Variants in IFT88 observed in about 807,000 individuals in gnomAD.
IFT88 encodes intraflagellar transport protein 88 homolog.
A neutral mutation model predicts 119.5 loss-of-function variants in IFT88; 74 were observed. The ratio of observed to expected loss-of-function variants is 0.62; its 90% CI spans 0.51 to 0.75. The LOEUF (loss-of-function observed/expected upper bound fraction) is 0.75, where lower values mean the gene tolerates loss of function less well. Among genes scored for constraint, IFT88 ranks in the 30% least tolerant of loss-of-function variants. IFT88 has a pLI of 0.00. For missense variants in IFT88, 961 were observed against 977.7 expected (o/e 0.98, Z 0.23); for synonymous variants, 279 against 316.7 (o/e 0.88, Z 1.26).
chr13:20,663,750 A>T (rs2054196267), intron 23 of IFT88, 146 bp downstream of exon 23: 2 of 622,210 alleles, frequency 3.2e-6, no homozygotes, highest in Non-Finnish European at 5.6e-6. Context: ...AATAACTAAA[A>T]CTCTAGTTTG....
chr13:20,652,309 A>T (rs1594655284), intron 20 of IFT88, among the ~76,000 whole-genome samples: 1 of 152,210 alleles, frequency 6.6e-6, no homozygotes, highest in Non-Finnish European at 1.5e-5. Context: ...TGTATGGTAT[A>T]TGAAGACTAT....
intron 17 of IFT88, among the ~76,000 whole-genome samples, chr13:20,639,014 A>G (rs529630378): frequency 2.1e-4 from 32 of 152,310 alleles, no homozygotes; most frequent in African/African-American, 7.0e-4. Flanking sequence ...ACTACAAGCC[A>G]TGAAGTCTCA....
chr13:20,597,745 C>CAAA (rs1174154005), intron 9 of IFT88, among the ~76,000 whole-genome samples: 7 of 140,862 alleles, frequency 5.0e-5, no homozygotes, highest in Admixed American at 2.8e-4. Flanking sequence ...GACTCCGTCT[C>CAAA]AAAAAAAAAA....
chr13:20,585,803 C>T lies in IFT88; in HGVS notation c.153+2784C>T, dbSNP rs529532061. Among the ~76,000 whole-genome samples, 85 of 152,328 alleles carry T rather than the reference C, an allele frequency of 5.6e-4. No individual in the cohort carries two copies. In the Middle Eastern group the frequency reaches 0.014, roughly 24 times the overall value. On this transcript the variant is annotated intron_variant, in intron 3 of 25. Coordinates refer to ENST00000351808, the MANE Select transcript of IFT88 (RefSeq NM_006531.5). ...TAATTCTTCACTACACATTCTAAAA[C>T]CCATATTTTATTTATTTGTTTAATT...
Position 20,580,386 on chromosome 13 carries a change from G to A in IFT88, c.91-2571G>A, listed in dbSNP as rs569519054. ...ACAAAAATTAGCCAGCCGTGGTGGC[G>A]GGCACCTGTAATCTCAGCTGCTTGG... On this transcript the variant is annotated intron_variant, in intron 2 of 25. Coordinates refer to ENST00000351808, the MANE Select transcript of IFT88 (RefSeq NM_006531.5). 9.2e-5 allele frequency among the ~76,000 whole-genome samples: 14 copies of A among 152,094 alleles called. No homozygotes were observed. In the South Asian group the frequency reaches 1.7e-3, roughly 18 times the overall value.
intron 2 of IFT88, 146 bp downstream of exon 2, chr13:20,574,621 A>G (rs939064558): frequency 2.0e-5 from 9 of 455,972 alleles, no homozygotes; most frequent in African/African-American, 8.2e-5. Context: ...AGAAGACTCT[A>G]CTGACTTCCA....
At chr13:20,614,200 G>A (rs9506528) in intron 13 of IFT88, among the ~76,000 whole-genome samples, 65,664 of 151,970 alleles carry the variant, frequency 0.43, 15,207 homozygotes, top group Non-Finnish European at 0.53. Flanking sequence ...AGGCTGCAAG[G>A]TTGCTTCATT....
At chr13:20,618,155 C>T (rs1407731571) in intron 14 of IFT88, among the ~76,000 whole-genome samples, 2 of 152,116 alleles carry the variant, frequency 1.3e-5, no homozygotes, top group Non-Finnish European at 2.9e-5. Context: ...CTCCTGACCT[C>T]GTGATCCGCT....
chr13:20,653,093 G>A (rs2052067967), intron 20 of IFT88, among the ~76,000 whole-genome samples: 1 of 152,174 alleles, frequency 6.6e-6, no homozygotes, highest in Non-Finnish European at 1.5e-5. Flanking sequence ...AAGTAATGTG[G>A]TTAGATGTGT....
chr13:20,683,630 G>A (rs2057566381), intron 24 of IFT88, among the ~76,000 whole-genome samples: 1 of 152,166 alleles, frequency 6.6e-6, no homozygotes, highest in African/African-American at 2.4e-5. Context: ...GGCCAGTGCT[G>A]TAGAGAAATG....
At chr13:20,612,607 C>A (rs1196678920) in intron 13 of IFT88, among the ~76,000 whole-genome samples, 1 of 152,050 alleles carries the variant, frequency 6.6e-6, no homozygotes, top group Non-Finnish European at 1.5e-5. Flanking sequence ...AAAATTCCAG[C>A]AACATTTTTA....
intron 19 of IFT88, among the ~76,000 whole-genome samples, chr13:20,644,519 A>G (rs1266998469): frequency 6.6e-6 from 1 of 151,930 alleles, no homozygotes; most frequent in Non-Finnish European, 1.5e-5. Context: ...ATAATTAATA[A>G]TATTAATAAT....
chr13:20,622,073 G>A (rs1183863542), intron 14 of IFT88, among the ~76,000 whole-genome samples: 1 of 152,112 alleles, frequency 6.6e-6, no homozygotes, highest in Non-Finnish European at 1.5e-5. Flanking sequence ...GACCAGAAGT[G>A]TTTTGGATTT....
At chr13:20,635,756 G>A (rs1202837746) in intron 16 of IFT88, among the ~76,000 whole-genome samples, 1 of 152,056 alleles carries the variant, frequency 6.6e-6, no homozygotes, top group Non-Finnish European at 1.5e-5. Context: ...GAGAGCATTA[G>A]GACCAATACC....
At chr13:20,659,075 A>G (rs1172546840) in intron 22 of IFT88, among the ~76,000 whole-genome samples, 1 of 152,228 alleles carries the variant, frequency 6.6e-6, no homozygotes, top group Admixed American at 6.5e-5. Context: ...TTTCTGGATA[A>G]AACTAGCAGG....
At chr13:20,690,847 T>C in intron 25 of IFT88, 32 bp downstream of exon 25, 1 of 1,515,838 alleles carries the variant, frequency 6.6e-7, no homozygotes, top group Non-Finnish European at 9.2e-7. Context: ...CCTCCAGGCA[T>C]AGCAGGTCTG....
intron 14 of IFT88, among the ~76,000 whole-genome samples, chr13:20,625,083 G>A (rs988275393): frequency 2.0e-5 from 3 of 152,066 alleles, no homozygotes; most frequent in Non-Finnish European, 2.9e-5. Context: ...AGTAAGAGTC[G>A]TGACCCACTA....
intron 2 of IFT88, among the ~76,000 whole-genome samples, chr13:20,575,104 C>T (rs1359485400): frequency 6.6e-6 from 1 of 151,714 alleles, no homozygotes; most frequent in African/African-American, 2.4e-5. Flanking sequence ...TCACCCCCTC[C>T]CCTGCCACTA....
intron 24 of IFT88, among the ~76,000 whole-genome samples, chr13:20,685,077 G>A (rs548597868): frequency 2.7e-4 from 41 of 152,376 alleles, no homozygotes; most frequent in African/African-American, 7.9e-4. Context: ...CCAGTGCTAA[G>A]CATTGCTTCT....
Sources: allele counts gnomAD v4.1 joint callset (sites outside exome capture counted in the v4.1 genomes callset), GRCh38; gene constraint gnomAD v4.1.1; transcripts MANE v1.5; gene names NCBI Gene and HGNC (gene_info 2026-07-23, HGNC 2026-07-21).